The following C2 variants were observed in gnomAD, a reference collection of about 807,000 sequenced individuals.
C2 encodes the protein complement C2.
A neutral mutation model predicts 85.2 loss-of-function variants in C2; 64 were observed. The ratio of observed to expected loss-of-function variants is 0.75; its 90% CI spans 0.61 to 0.92. The LOEUF (loss-of-function observed/expected upper bound fraction) is 0.92, where lower values mean the gene tolerates loss of function less well. Ranked by LOEUF, C2 falls within the 40% of genes least tolerant of loss-of-function variation. C2 has a pLI of 0.00. For missense variants in C2, 820 were observed against 971.6 expected, an observed-to-expected ratio of 0.84 and a Z score of 2.07; for synonymous variants, 311 against 370.8, an observed-to-expected ratio of 0.84 and a Z score of 1.85.
intron 1 of C2, among the ~76,000 whole-genome samples, chr6:31,903,402 G>A (rs1767510701): frequency 6.6e-6 from 1 of 152,226 alleles, no homozygotes; most frequent in Non-Finnish European, 1.5e-5. Context: ...GGCCGAGGCA[G>A]GTGGATCACC....
Position 31,933,776 on chromosome 6 carries a change from C to T in C2, c.609C>T (p.Ile203=), listed in dbSNP as rs746577678. The part of the protein sequence containing the change: ...GNGVWSGTEP[I]CRQPYSYDFP... Reference sequence around the variant, plus strand: ...GGGTCTGGAGTGGAACGGAGCCCATCTGCCGCCGTGAGTAGCTGCCCTGCC... The same window carrying T: ...GGGTCTGGAGTGGAACGGAGCCCATTTGCCGCCGTGAGTAGCTGCCCTGCC... Residue 203 remains isoleucine (I), a synonymous_variant, in exon 4 of 18, where the codon ATC becomes ATT. Coordinates refer to ENST00000299367, the MANE Select transcript of C2 (RefSeq NM_000063.6). The T allele has an allele frequency of 1.1e-5, 18 of 1,613,754 alleles. No individual in the cohort carries two copies. In the South Asian group the frequency reaches 1.9e-4, roughly 17 times the overall value.
At chr6:31,934,446 A>AATTCAATTT in intron 6 of C2, 147 bp downstream of exon 6, 1 of 1,276,622 alleles carries the variant, frequency 7.8e-7, no homozygotes, top group Non-Finnish European at 1.1e-6. Flanking sequence ...AGGAATCATG[A>AATTCAATTT]ATTCAATTTA....
rs1771110300 is a variant in C2 at position 31,943,862 on chromosome 6, A to G, written c.1733+53A>G. On this transcript the variant is annotated intron_variant, in intron 13 of 17. Transcript: ENST00000299367. The surrounding 1 kb of genome is among the most constrained non-coding windows in gnomAD (Gnocchi z 6.4). ...CCCTGCAGGGAAGAGTGCTCTGGAG[A>G]TCCCTGGAAGAGATACTGGGGACAG... 6.8e-6 allele frequency: 11 copies of G among 1,611,696 alleles called. No homozygotes were observed. The highest frequency in any genetic ancestry group is 9.3e-6 in the Non-Finnish European group (11 of 1,179,032).
rs537513257 is a variant in C2 at position 31,902,488 on chromosome 6, C to T, written c.73+1349C>T. Among the ~76,000 whole-genome samples, 41 of 152,330 alleles carry T rather than the reference C, an allele frequency of 2.7e-4. No individual in the cohort carries two copies. The South Asian group carries it at 8.1e-3, about 30-fold the overall frequency. On this transcript the variant is annotated intron_variant, in intron 1 of 3. Transcript: ENST00000452202. ...GTCTCCGGTCCAGCTGTGCCGAGCGCTGCCCTGGGTGCATCCGTGGCACCT... is the reference window on the plus strand; with the variant it reads ...GTCTCCGGTCCAGCTGTGCCGAGCGTTGCCCTGGGTGCATCCGTGGCACCT...
chr6:31,925,438 G>C (rs930859494), upstream of C2, among the ~76,000 whole-genome samples: 3 of 151,966 alleles, frequency 2.0e-5, no homozygotes, highest in Non-Finnish European at 4.4e-5. Flanking sequence ...GATTACAGGC[G>C]TATGCCACCA....
intron 1 of C2, among the ~76,000 whole-genome samples, chr6:31,912,588 C>T (rs1768188710): frequency 1.3e-5 from 2 of 152,062 alleles, no homozygotes; most frequent in South Asian, 2.1e-4. Context: ...ACCTGTAATC[C>T]GAGCACTTTG....
intron 9 of C2, 80 bp from the exon 10 acceptor site, chr6:31,942,879 G>C (rs767606845): frequency 8.9e-6 from 14 of 1,578,024 alleles, no homozygotes; most frequent in Admixed American, 8.4e-5. Context: ...TGGACACAGT[G>C]AGTTTCAGAT....
upstream of C2, among the ~76,000 whole-genome samples, chr6:31,926,994 G>A (rs990108788): frequency 1.3e-5 from 2 of 152,070 alleles, no homozygotes; most frequent in Admixed American, 6.6e-5. Context: ...TTATTCCTTT[G>A]AGTAACCAAC....
intron 1 of C2, among the ~76,000 whole-genome samples, chr6:31,907,671 C>G (rs967257749): frequency 4.0e-5 from 6 of 150,572 alleles, no homozygotes; most frequent in African/African-American, 1.2e-4. Flanking sequence ...CTCGACCTTC[C>G]TGGACTAATT....
upstream of C2, among the ~76,000 whole-genome samples, chr6:31,923,481 T>G (rs1341365414): frequency 1.3e-5 from 2 of 152,122 alleles, no homozygotes; most frequent in East Asian, 3.9e-4. Flanking sequence ...CCTCTTATTT[T>G]GTTTTTATTT....
intron 2 of C2, 132 bp downstream of exon 2, chr6:31,928,296 A>T: frequency 1.3e-6 from 1 of 788,302 alleles, no homozygotes; most frequent in South Asian, 1.5e-5. Flanking sequence ...GCTTTTCAAA[A>T]TATCCAGAAA....
At chr6:31,910,948 C>A (rs976999646) in intron 1 of C2, among the ~76,000 whole-genome samples, 1 of 151,448 alleles carries the variant, frequency 6.6e-6, no homozygotes, top group Non-Finnish European at 1.5e-5. Context: ...CCACTGCACT[C>A]CAGCCTGGGT....
intron 3 of C2, among the ~76,000 whole-genome samples, chr6:31,932,918 A>T (rs1034550153): frequency 1.3e-5 from 2 of 152,270 alleles, no homozygotes; most frequent in Non-Finnish European, 2.9e-5. Flanking sequence ...GCTGGAGACC[A>T]GCCCGGCCAA....
upstream of C2, among the ~76,000 whole-genome samples, chr6:31,915,574 A>G (rs1489887286): frequency 6.6e-6 from 1 of 152,222 alleles, no homozygotes; most frequent in Non-Finnish European, 1.5e-5. Context: ...GTAGCTTAAC[A>G]CAACAGTTTT....
upstream of C2, chr6:31,927,490 G>C: frequency 7.0e-7 from 1 of 1,426,384 alleles, no homozygotes; most frequent in Non-Finnish European, 9.1e-7. This position sits in a 1 kb window ranked among gnomAD's most constrained non-coding sequence, Gnocchi z 4.7. Context: ...CGTGGGGGCA[G>C]TACACAAAGC....
chr6:31,899,840 C>T (rs955305038), upstream of C2: 29 of 1,408,884 alleles, frequency 2.1e-5, no homozygotes, highest in African/African-American at 3.0e-4. Context: ...GCCCCAGACC[C>T]CCCACCCCCC....
At position 31,943,441 on chromosome 6, in the gene C2, G is replaced by A; in HGVS notation, c.1481G>A (p.Gly494Glu). 2 of 1,613,074 alleles carry A rather than the reference G, an allele frequency of 1.2e-6. No individual in the cohort carries two copies. Among genetic ancestry groups the A allele is most frequent in the Non-Finnish European group, 1.7e-6 (2 of 1,180,024 alleles). The change falls in exon 12 of 18, where the codon GGG (glycine) becomes GAG (glutamate). Residue 494 changes from glycine to glutamate, a missense_variant. Gly to Glu is a moderately conservative substitution (Grantham distance 98). Coordinates refer to ENST00000299367, the MANE Select transcript of C2 (RefSeq NM_000063.6). The surrounding 1 kb of genome is among the most constrained non-coding windows in gnomAD (Gnocchi z 6.4). ...IKPKSQETCR[G>E]ALISDQWVLT... Reference sequence around the variant, plus strand: ...CCCAAGAGCCAAGAGACCTGCCGGGGGGCCCTCATCTCCGACCAATGGGTC... The same window carrying A: ...CCCAAGAGCCAAGAGACCTGCCGGGAGGCCCTCATCTCCGACCAATGGGTC...
intron 1 of C2, among the ~76,000 whole-genome samples, chr6:31,911,276 G>C (rs1391096665): frequency 3.3e-5 from 5 of 152,032 alleles, no homozygotes; most frequent in Non-Finnish European, 7.4e-5. Flanking sequence ...TCCAGCCTAG[G>C]AGACAGAGGG....
At chr6:31,930,915 G>T (rs1210586935) in intron 3 of C2, among the ~76,000 whole-genome samples, 1 of 152,208 alleles carries the variant, frequency 6.6e-6, no homozygotes, top group Non-Finnish European at 1.5e-5. Context: ...TTGTTACAAT[G>T]CATCCACTCA....
Sources: gnomAD v4.1 joint callset for allele counts (sites outside exome capture counted in the v4.1 genomes callset) on GRCh38, gnomAD v4.1.1 for gene constraint, Gnocchi (gnomAD v3.1) non-coding constraint, MANE v1.5 for transcripts, NCBI Gene and HGNC (gene_info 2026-07-23, HGNC 2026-07-21) for gene names.